The following MCF2L2 variants were observed in gnomAD, a reference collection of about 807,000 sequenced individuals.
MCF2L2 encodes probable guanine nucleotide exchange factor MCF2L2.
A neutral mutation model predicts 150.2 loss-of-function variants in MCF2L2; 102 were observed. That is an observed-to-expected ratio of 0.68 (90% CI 0.58 to 0.80). The LOEUF (loss-of-function observed/expected upper bound fraction) is 0.80. MCF2L2 is among the 30% of genes least tolerant of loss of function. The pLI is 0.00. For missense variants in MCF2L2, 1,256 were observed against 1,372.8 expected (o/e 0.91, Z 1.34); for synonymous variants, 465 against 491.3 (o/e 0.95, Z 0.71).
At chr3:183,406,403 T>G (rs1036843302) in intron 1 of MCF2L2, among the ~76,000 whole-genome samples, 2 of 152,216 alleles carry the variant, frequency 1.3e-5, no homozygotes, top group African/African-American at 4.8e-5. Flanking sequence ...CATTTTTAAA[T>G]TGGGTCATTT....
chr3:183,196,440 G>A (rs572319925), intron 25 of MCF2L2, among the ~76,000 whole-genome samples: 30 of 152,320 alleles, frequency 2.0e-4, no homozygotes, highest in African/African-American at 6.7e-4. Flanking sequence ...CTCGGCAGGC[G>A]TAAGGTACTG....
intron 4 of MCF2L2, among the ~76,000 whole-genome samples, chr3:183,341,129 C>A (rs1225205186): frequency 6.6e-6 from 1 of 152,124 alleles, no homozygotes; most frequent in African/African-American, 2.4e-5. Context: ...GGGGTTACTG[C>A]CGTAGGCAAA....
In MCF2L2 at chr3:183,206,223, A is replaced by G. The variant is rs1553881760; in HGVS notation, c.2713-9T>C. On this transcript the variant is annotated splice_polypyrimidine_tract_variant and intron_variant, in intron 23 of 29. Coordinates refer to ENST00000328913, the MANE Select transcript of MCF2L2 (RefSeq NM_015078.4). ...ATTGAAAGTGTCATCAGCTATTATAAAGAGGGAAGAGAAATGTTCTATACC... is the reference window on the plus strand; with the variant it reads ...ATTGAAAGTGTCATCAGCTATTATAGAGAGGGAAGAGAAATGTTCTATACC... 6.3e-7 allele frequency: 1 copy of G among 1,598,980 alleles called. No individual in the cohort carries two copies. The highest frequency in any genetic ancestry group is 2.2e-5 in the East Asian group (1 of 44,790).
At chr3:183,314,783 T>C (rs1206095292) in intron 7 of MCF2L2, among the ~76,000 whole-genome samples, 1 of 149,270 alleles carries the variant, frequency 6.7e-6, no homozygotes, top group African/African-American at 2.5e-5. Flanking sequence ...TTTGACGACA[T>C]ATAGAATCTT....
intron 15 of MCF2L2, among the ~76,000 whole-genome samples, chr3:183,255,190 C>T (rs1350275310): frequency 6.6e-6 from 1 of 152,132 alleles, no homozygotes; most frequent in Non-Finnish European, 1.5e-5. Flanking sequence ...ATGTGAAAAG[C>T]CGAAGTTGAC....
At chr3:183,296,797 A>G (rs904731074) in intron 12 of MCF2L2, 179 bp downstream of exon 12, 1 of 593,442 alleles carries the variant, frequency 1.7e-6, no homozygotes, top group African/African-American at 1.9e-5. Flanking sequence ...ACGAAGACTC[A>G]GTATGCCAGG....
chr3:183,286,408 T>A (rs765599625), intron 14 of MCF2L2, among the ~76,000 whole-genome samples: 37 of 152,200 alleles, frequency 2.4e-4, no homozygotes, highest in Non-Finnish European at 3.8e-4. Flanking sequence ...GCTAGATGCA[T>A]GCTCAATGCA....
At chr3:183,251,117 G>C (rs943072609) in intron 15 of MCF2L2, among the ~76,000 whole-genome samples, 1 of 152,160 alleles carries the variant, frequency 6.6e-6, no homozygotes, top group African/African-American at 2.4e-5. Context: ...ATGAACACCG[G>C]CCTGCTTCAG....
chr3:183,217,257 G>A (rs1041098857), intron 21 of MCF2L2, among the ~76,000 whole-genome samples: 1 of 127,958 alleles, frequency 7.8e-6, no homozygotes, highest in African/African-American at 3.0e-5. Context: ...TTGTGTCATT[G>A]CACTCCAGCC....
chr3:183,395,913 G>A (rs573849990), intron 1 of MCF2L2, among the ~76,000 whole-genome samples: 125 of 91,860 alleles, frequency 1.4e-3, no homozygotes, highest in African/African-American at 5.7e-3. Flanking sequence ...GCAAGACATC[G>A]TCTCAAAAAA....
chr3:183,313,741 G>A (rs1341235903), intron 7 of MCF2L2, among the ~76,000 whole-genome samples: 2 of 152,176 alleles, frequency 1.3e-5, no homozygotes, highest in African/African-American at 4.8e-5. Flanking sequence ...TCCAGAACAT[G>A]TGTATAAGTT....
In MCF2L2 at chr3:183,206,201, G is replaced by C; in HGVS notation, c.2726C>G (p.Ser909Ter). 1.2e-6 allele frequency: 2 copies of C among 1,613,666 alleles called. No homozygotes were observed. The highest frequency in any genetic ancestry group is 2.7e-5 in the African/African-American group (2 of 75,038). ...GCTCCCCCTTCCAAGCTGGCGAATTGAAAGTGTCATCAGCTATTATAAAGA... is the reference window on the plus strand; with the variant it reads ...GCTCCCCCTTCCAAGCTGGCGAATTCAAAGTGTCATCAGCTATTATAAAGA... ...FKKTMKLMTLSIRQLGRGSHR... is the reference protein window; with the variant it reads ...FKKTMKLMTL The change falls in exon 24 of 30, where the codon TCA (serine) becomes TGA (stop). Residue 909 changes from serine to a stop codon, truncating the protein, a stop_gained. Coordinates refer to ENST00000328913, the MANE Select transcript of MCF2L2 (RefSeq NM_015078.4). LOFTEE classifies it high-confidence loss of function.
At chr3:183,425,187 G>A (rs560428550) in intron 1 of MCF2L2, among the ~76,000 whole-genome samples, 1 of 148,510 alleles carries the variant, frequency 6.7e-6, no homozygotes, top group African/African-American at 2.5e-5. Context: ...AGAAAGCTGC[G>A]AGGTGTTTCT....
Position 183,309,564 on chromosome 3 carries a change from G to C in MCF2L2, c.1113+152C>G, listed in dbSNP as rs1369593188. On this transcript the variant is annotated intron_variant, in intron 10 of 29. Transcript: ENST00000328913. ...CGTATTATTCATAGCAGTTGTTAATGTGCCTCTCTCCTTGGGATCCTGGGG... is the reference window on the plus strand; with the variant it reads ...CGTATTATTCATAGCAGTTGTTAATCTGCCTCTCTCCTTGGGATCCTGGGG... 9.0e-6 allele frequency: 8 copies of C among 887,462 alleles called. No homozygotes were observed. The African/African-American group carries it at 1.2e-4, about 13-fold the overall frequency. 55.0% of individuals were successfully genotyped at this position (887,462 alleles called of 1,614,324 possible).
chr3:183,356,911 T>G (rs888602295), intron 3 of MCF2L2, among the ~76,000 whole-genome samples: 6 of 152,220 alleles, frequency 3.9e-5, no homozygotes, highest in African/African-American at 1.4e-4. Context: ...AAGAATACAC[T>G]CTTATGAAAA....
chr3:183,228,720 TC>T (rs892873366), intron 17 of MCF2L2, among the ~76,000 whole-genome samples: 13 of 152,130 alleles, frequency 8.5e-5, no homozygotes. Flanking sequence ...ACACAGCTGT[TC>T]GGGTAATTCT....
At chr3:183,219,419 T>C (rs773447669) in intron 21 of MCF2L2, among the ~76,000 whole-genome samples, 2 of 152,158 alleles carry the variant, frequency 1.3e-5, no homozygotes, top group African/African-American at 4.8e-5. Flanking sequence ...AAGACCAGCC[T>C]GGCCAACATG....
intron 20 of MCF2L2, among the ~76,000 whole-genome samples, chr3:183,222,434 C>A (rs2108662536): frequency 6.6e-6 from 1 of 152,230 alleles, no homozygotes; most frequent in African/African-American, 2.4e-5. Context: ...CCTGTAATCT[C>A]AGCTACTTGG....
At chr3:183,195,025 C>G (rs971361632) in intron 26 of MCF2L2, among the ~76,000 whole-genome samples, 197 bp downstream of exon 26, 5 of 152,130 alleles carry the variant, frequency 3.3e-5, no homozygotes, top group African/African-American at 1.2e-4. Context: ...TCAAGCGATC[C>G]ATCTGCCTTG....
Sources: allele counts gnomAD v4.1 joint callset (sites outside exome capture counted in the v4.1 genomes callset), GRCh38; gene constraint gnomAD v4.1.1; transcripts MANE v1.5; gene names NCBI Gene and HGNC (gene_info 2026-07-23, HGNC 2026-07-21).